Variants in PDSS2 observed in about 807,000 individuals in gnomAD.
PDSS2 encodes the protein decaprenyl diphosphate synthase subunit 2, also known as all trans-polyprenyl-diphosphate synthase PDSS2.
PDSS2 carries 31 observed loss-of-function variants against 44.5 expected under a neutral mutation model. That is an observed-to-expected ratio of 0.70 (90% CI 0.52 to 0.94). The LOEUF (loss-of-function observed/expected upper bound fraction) is 0.94. Ranked by LOEUF, PDSS2 falls within the 40% of genes least tolerant of loss-of-function variation. The pLI, the probability that PDSS2 is intolerant of heterozygous loss-of-function variation, is 0.00. For missense variants in PDSS2, 452 were observed against 482.2 expected (o/e 0.94, Z 0.59); for synonymous variants, 157 against 180.3 (o/e 0.87, Z 1.03).
At chr6:107,207,982 T>TTTTTTTG (rs1411350659) in intron 6 of PDSS2, among the ~76,000 whole-genome samples, 31 of 96,576 alleles carry the variant, frequency 3.2e-4, no homozygotes, top group East Asian at 9.0e-4. Context: ...TGACTTGTTT[T>TTTTTTTG]TTTTTTTTTT....
At chr6:107,208,942 T>A (rs1463588232) in intron 6 of PDSS2, among the ~76,000 whole-genome samples, 3 of 152,048 alleles carry the variant, frequency 2.0e-5, no homozygotes, top group Non-Finnish European at 4.4e-5. Context: ...TAAAAAATCA[T>A]CTTTTTTGTC....
At chr6:107,239,208 C>G (rs977715287) in intron 4 of PDSS2, among the ~76,000 whole-genome samples, 2 of 152,026 alleles carry the variant, frequency 1.3e-5, no homozygotes, top group African/African-American at 4.8e-5. Flanking sequence ...ATCCAGGAGG[C>G]AAAAGTTGCA....
intron 1 of PDSS2, among the ~76,000 whole-genome samples, chr6:107,374,862 T>A (rs1447879909): frequency 6.6e-6 from 1 of 152,176 alleles, no homozygotes; most frequent in Non-Finnish European, 1.5e-5. Flanking sequence ...CATATATTTA[T>A]AATTTCCGAT....
chr6:107,408,024 T>C (rs1780376766), intron 1 of PDSS2, among the ~76,000 whole-genome samples: 2 of 151,694 alleles, frequency 1.3e-5, no homozygotes, highest in East Asian at 2.0e-4. Flanking sequence ...TATTTATTCA[T>C]TTATTTTTTA....
chr6:107,172,864 G>C (rs560393589), intron 7 of PDSS2, among the ~76,000 whole-genome samples: 1 of 151,094 alleles, frequency 6.6e-6, no homozygotes, highest in South Asian at 2.1e-4. Context: ...GGCAGCTCAC[G>C]CTTGAAATCC....
intron 2 of PDSS2, among the ~76,000 whole-genome samples, chr6:107,316,035 G>T (rs1760523584): frequency 1.3e-5 from 2 of 152,104 alleles, no homozygotes; most frequent in East Asian, 3.8e-4. Flanking sequence ...GAACAGTTTG[G>T]ATCATGTTAA....
At position 107,334,722 on chromosome 6, in the gene PDSS2, A is replaced by C. The variant is rs969217304; in HGVS notation, c.297-390T>G. On this transcript the variant is annotated intron_variant, in intron 1 of 7. Transcript: ENST00000369037. ...TGCTCAGCTAATTAAAAAAAAAAAA[A>C]AAAAACGTAGAGTCAGAGTCTTGCT... is the stretch of plus-strand genomic sequence containing the variant. 4.2e-4 allele frequency among the ~76,000 whole-genome samples: 63 copies of C among 151,494 alleles called. 1 individual carries two copies. Among genetic ancestry groups the C allele is most frequent in the African/African-American group, 1.4e-3 (57 of 41,128 alleles).
intron 1 of PDSS2, among the ~76,000 whole-genome samples, chr6:107,431,615 T>C (rs1279771189): frequency 6.6e-6 from 1 of 152,162 alleles, no homozygotes; most frequent in Non-Finnish European, 1.5e-5. Flanking sequence ...CAGTACAGCA[T>C]ACCTTTCAAA....
chr6:107,403,895 T>C (rs1394064479), intron 1 of PDSS2, among the ~76,000 whole-genome samples: 1 of 152,196 alleles, frequency 6.6e-6, no homozygotes, highest in Non-Finnish European at 1.5e-5. Flanking sequence ...CTGGAGCCAT[T>C]TTCCCCATTG....
chr6:107,306,308 A>C lies in PDSS2; in HGVS notation c.431+27890T>G, dbSNP rs367755880. On this transcript the variant is annotated intron_variant, in intron 2 of 7. Coordinates refer to ENST00000369037, the MANE Select transcript of PDSS2 (RefSeq NM_020381.4). ...TCCCGTGCTGTTCTCGTGATAGTGA[A>C]TAAGTCTCATGAGATCTGATGGTTT... 6.6e-5 allele frequency among the ~76,000 whole-genome samples: 10 copies of C among 152,264 alleles called. No homozygotes were observed. In the East Asian group the frequency reaches 1.9e-3, roughly 29 times the overall value.
intron 1 of PDSS2, among the ~76,000 whole-genome samples, chr6:107,445,797 C>T (rs765054376): frequency 8.5e-5 from 13 of 152,172 alleles, no homozygotes; most frequent in Admixed American, 3.3e-4. Context: ...TCTAGTCAAA[C>T]TCCTTACTTC....
chr6:107,189,381 A>C (rs6568472), intron 7 of PDSS2, among the ~76,000 whole-genome samples: 1 of 151,746 alleles, frequency 6.6e-6, no homozygotes, highest in South Asian at 2.1e-4. Flanking sequence ...TCTGTTGTCC[A>C]GGCTGGAATG....
intron 1 of PDSS2, among the ~76,000 whole-genome samples, chr6:107,451,489 A>T (rs373052345): frequency 9.4e-4 from 143 of 152,224 alleles, no homozygotes; most frequent in African/African-American, 3.4e-3. Context: ...TGTGGCTTTG[A>T]TGGAATCCAG....
intron 1 of PDSS2, among the ~76,000 whole-genome samples, chr6:107,334,904 C>T (rs368440897): frequency 4.0e-5 from 6 of 151,884 alleles, no homozygotes; most frequent in African/African-American, 1.2e-4. Flanking sequence ...GGTCTGTAAT[C>T]CCAGTGCTTT....
At chr6:107,161,943 C>T (rs1771149489) in intron 7 of PDSS2, among the ~76,000 whole-genome samples, 1 of 152,098 alleles carries the variant, frequency 6.6e-6, no homozygotes, top group Non-Finnish European at 1.5e-5. Flanking sequence ...AATTAGTTCT[C>T]TTGGGGGACA....
At chr6:107,318,860 C>T (rs1052949610) in intron 2 of PDSS2, among the ~76,000 whole-genome samples, 2 of 151,982 alleles carry the variant, frequency 1.3e-5, no homozygotes, top group Admixed American at 6.6e-5. Context: ...TGGTGGCAGG[C>T]GCCTGTAATC....
chr6:107,446,806 C>T (rs1221136336), intron 1 of PDSS2, among the ~76,000 whole-genome samples: 1 of 151,988 alleles, frequency 6.6e-6, no homozygotes, highest in African/African-American at 2.4e-5. Flanking sequence ...TATCTCCCAC[C>T]AGTTCCCTCC....
chr6:107,436,030 GA>G (rs1311454828), intron 1 of PDSS2, among the ~76,000 whole-genome samples: 1 of 152,098 alleles, frequency 6.6e-6, no homozygotes, highest in Non-Finnish European at 1.5e-5. Context: ...ATAAACTAAA[GA>G]TTTGTATTTA....
intron 4 of PDSS2, among the ~76,000 whole-genome samples, chr6:107,217,570 C>T (rs1224723128): frequency 6.6e-6 from 1 of 152,046 alleles, no homozygotes; most frequent in African/African-American, 2.4e-5. Flanking sequence ...AAACTCTCAG[C>T]TTCCCTCTTA....
Sources: gnomAD v4.1 joint callset for allele counts (sites outside exome capture counted in the v4.1 genomes callset) on GRCh38, gnomAD v4.1.1 for gene constraint, MANE v1.5 for transcripts, NCBI Gene and HGNC (gene_info 2026-07-23, HGNC 2026-07-21) for gene names.